Variants in AGFG1 observed in about 807,000 individuals in gnomAD.
AGFG1 encodes the protein ArfGAP with FG repeats 1.
In AGFG1, 10 loss-of-function variants were observed where a neutral mutation model predicts 60.6. That is an observed-to-expected ratio of 0.16 (90% CI 0.10 to 0.28). The LOEUF is 0.28. AGFG1 is among the 10% of genes least tolerant of loss of function. AGFG1 has a pLI of 1.00. For synonymous variants in AGFG1, 247 were observed against 242.9 expected, an observed-to-expected ratio of 1.02 and a Z score of -0.16; for missense variants, 537 against 676.5, an observed-to-expected ratio of 0.79 and a Z score of 2.29.
chr2:227,472,882 G>A (rs1420446568), intron 1 of AGFG1, among the ~76,000 whole-genome samples: 1 of 151,798 alleles, frequency 6.6e-6, no homozygotes, highest in Non-Finnish European at 1.5e-5. Context: ...GGGGGCGACC[G>A]GGGCGAGCGT....
chr2:227,544,991 T>C (rs1010709571), intron 10 of AGFG1, among the ~76,000 whole-genome samples: 3 of 152,302 alleles, frequency 2.0e-5, no homozygotes, highest in African/African-American at 7.2e-5. Flanking sequence ...TTTCCTGAAT[T>C]TGAAGGTTGG....
chr2:227,511,167 A>G (rs557068968), intron 2 of AGFG1, among the ~76,000 whole-genome samples: 5 of 152,120 alleles, frequency 3.3e-5, no homozygotes, highest in East Asian at 1.9e-4. Flanking sequence ...CCATCTCTCT[A>G]TGTTATTCCC....
intron 2 of AGFG1, among the ~76,000 whole-genome samples, chr2:227,509,640 T>C (rs1691437696): frequency 6.6e-6 from 1 of 152,136 alleles, no homozygotes; most frequent in South Asian, 2.1e-4. Context: ...AAGCAAATGT[T>C]ACCGTTGGAG....
Position 227,472,346 on chromosome 2 carries a change from C to G in AGFG1, c.-76C>G. The stretch of plus-strand genomic sequence containing the variant: ...GGGCGGCGGCCGCGGCCAGGGCGGC[C>G]CGTGGGACCGCGGGCCCCCGGCGCA... On this transcript the variant is annotated 5_prime_UTR_variant, in exon 1 of 13. Transcript: ENST00000310078. 9.5e-6 allele frequency: 9 copies of G among 949,290 alleles called. No homozygotes were observed. Among genetic ancestry groups the G allele is most frequent in the Non-Finnish European group, 1.1e-5 (9 of 792,874 alleles). 58.8% of individuals were successfully genotyped at this position (949,290 alleles called of 1,614,324 possible).
intron 1 of AGFG1, among the ~76,000 whole-genome samples, chr2:227,485,383 C>A (rs1233751547): frequency 6.7e-6 from 1 of 149,842 alleles, no homozygotes; most frequent in East Asian, 2.0e-4. Context: ...ATTACAGGCA[C>A]CCGCCACCAT....
At position 227,523,756 on chromosome 2, in the gene AGFG1, G is replaced by A; in HGVS notation, c.378-7G>A. On this transcript the variant is annotated splice_region_variant and splice_polypyrimidine_tract_variant and intron_variant, in intron 3 of 12. Coordinates refer to ENST00000310078, the MANE Select transcript of AGFG1 (RefSeq NM_004504.5). ...TTTTTTAGTTAACTGTTTTTTACAT[G>A]TTTTAGGTATGTCCCGCCAGAACAA... The A allele has an allele frequency of 6.2e-7, 1 of 1,605,188 alleles. No homozygotes were observed. Among genetic ancestry groups the A allele is most frequent in the African/African-American group, 1.3e-5 (1 of 74,698 alleles).
chr2:227,537,314 G>A (rs770344544), intron 10 of AGFG1, among the ~76,000 whole-genome samples: 1 of 152,170 alleles, frequency 6.6e-6, no homozygotes, highest in African/African-American at 2.4e-5. Flanking sequence ...GAGCAATTTA[G>A]ATGTATTTGG....
At chr2:227,507,755 A>G (rs1242814489) in intron 2 of AGFG1, among the ~76,000 whole-genome samples, 1 of 151,768 alleles carries the variant, frequency 6.6e-6, no homozygotes, top group East Asian at 1.9e-4. Flanking sequence ...ATCAGTAGAT[A>G]TGGTGCACCA....
At chr2:227,536,590 GAA>G (rs113750157) in intron 8 of AGFG1, 33 bp from the exon 9 acceptor site, 1 of 1,555,620 alleles carries the variant, frequency 6.4e-7, no homozygotes, top group Non-Finnish European at 8.8e-7. Flanking sequence ...TTTTTTTTAA[GAA>G]AAAAAATGAA....
chr2:227,539,827 T>C (rs1325837658), intron 10 of AGFG1, among the ~76,000 whole-genome samples: 1 of 151,848 alleles, frequency 6.6e-6, no homozygotes, highest in Admixed American at 6.6e-5. Context: ...TATCAGTATA[T>C]TTCTCTTTTT....
intron 2 of AGFG1, chr2:227,508,789 T>C (rs1691404819): frequency 5.2e-6 from 2 of 381,182 alleles, no homozygotes; most frequent in African/African-American, 4.2e-5. Context: ...TTACTGTTTG[T>C]AAATAGTCAA....
intron 2 of AGFG1, among the ~76,000 whole-genome samples, chr2:227,500,938 G>T (rs186712203): frequency 0.015 from 2,312 of 151,530 alleles, 37 homozygotes; most frequent in Non-Finnish European, 0.024. Context: ...GATTACAGGC[G>T]CTCGCCACCA....
At chr2:227,485,525 C>T (rs1006222027) in intron 1 of AGFG1, among the ~76,000 whole-genome samples, 58 of 151,910 alleles carry the variant, frequency 3.8e-4, no homozygotes, top group African/African-American at 1.2e-3. Flanking sequence ...TGTGAGCCAC[C>T]GCACCCAGCC....
intron 10 of AGFG1, among the ~76,000 whole-genome samples, chr2:227,548,964 T>G (rs1261679927): frequency 6.6e-6 from 1 of 150,696 alleles, no homozygotes; most frequent in Non-Finnish European, 1.5e-5. Flanking sequence ...AGTAGATAAA[T>G]ATAAGGGCCA....
chr2:227,493,928 G>A (rs974473881), intron 2 of AGFG1, among the ~76,000 whole-genome samples: 4 of 152,226 alleles, frequency 2.6e-5, no homozygotes, highest in Non-Finnish European at 4.4e-5. Context: ...GTTGGTTTTT[G>A]AGGGTAACTA....
At chr2:227,524,436 C>T (rs1319930374) in intron 4 of AGFG1, among the ~76,000 whole-genome samples, 1 of 152,136 alleles carries the variant, frequency 6.6e-6, no homozygotes, top group East Asian at 1.9e-4. Context: ...TAAGTTGCTA[C>T]CTAAAGTTTG....
At chr2:227,482,106 C>A (rs1044947921) in intron 1 of AGFG1, among the ~76,000 whole-genome samples, 1 of 152,152 alleles carries the variant, frequency 6.6e-6, no homozygotes, top group Non-Finnish European at 1.5e-5. Context: ...ACCTCGTGAT[C>A]TGCCCGCTTC....
chr2:227,485,973 T>C (rs1690621374), intron 1 of AGFG1, among the ~76,000 whole-genome samples: 1 of 152,216 alleles, frequency 6.6e-6, no homozygotes, highest in African/African-American at 2.4e-5. Context: ...AGCCTCATAT[T>C]TTATTGAACT....
chr2:227,516,806 G>A (rs1559182693), intron 2 of AGFG1, among the ~76,000 whole-genome samples: 1 of 152,082 alleles, frequency 6.6e-6, no homozygotes, highest in Non-Finnish European at 1.5e-5. Flanking sequence ...TGTGGCAGAG[G>A]TTTTGGAATA....
Sources: allele counts gnomAD v4.1 joint callset (sites outside exome capture counted in the v4.1 genomes callset), GRCh38; gene constraint gnomAD v4.1.1; transcripts MANE v1.5; gene names NCBI Gene and HGNC (gene_info 2026-07-23, HGNC 2026-07-21).